Variants in CSGALNACT1 observed in about 807,000 individuals in gnomAD.
CSGALNACT1 encodes the protein chondroitin sulfate N-acetylgalactosaminyltransferase 1, also known as beta4GalNAcT-1.
CSGALNACT1 carries 52 observed loss-of-function variants against 51.0 expected under a neutral mutation model. The observed-to-expected ratio is 1.02, with a 90% CI of 0.82 to 1.29. CSGALNACT1 has a LOEUF of 1.29. CSGALNACT1 is among the 50% of genes most tolerant of loss of function. The pLI, the probability that CSGALNACT1 is intolerant of heterozygous loss-of-function variation, is 0.00. For synonymous variants in CSGALNACT1, 341 were observed against 254.4 expected (o/e 1.34, Z -3.24); for missense variants, 935 against 679.2 (o/e 1.38, Z -4.19).
chr8:19,501,736 A>G (rs1326029337), intron 4 of CSGALNACT1, among the ~76,000 whole-genome samples: 1 of 152,276 alleles, frequency 6.6e-6, no homozygotes, highest in Non-Finnish European at 1.5e-5. Context: ...ATTTAAAAAC[A>G]GGAAATCAGA....
intron 5 of CSGALNACT1, among the ~76,000 whole-genome samples, chr8:19,441,018 G>A (rs2153751665): frequency 6.6e-6 from 1 of 152,314 alleles, no homozygotes; most frequent in East Asian, 1.9e-4. Context: ...CAAGGAATAT[G>A]AAGGACCTCT....
intron 3 of CSGALNACT1, among the ~76,000 whole-genome samples, chr8:19,555,622 A>G (rs1341839562): frequency 6.6e-6 from 1 of 152,216 alleles, no homozygotes; most frequent in Admixed American, 6.5e-5. Flanking sequence ...GTGAGCATCA[A>G]AGCACATCTC....
At chr8:19,714,759 T>C (rs1052312951) in intron 1 of CSGALNACT1, among the ~76,000 whole-genome samples, 2 of 152,154 alleles carry the variant, frequency 1.3e-5, no homozygotes, top group African/African-American at 2.4e-5. Flanking sequence ...GGGATATTTT[T>C]TTTTTTTTCT....
intron 3 of CSGALNACT1, among the ~76,000 whole-genome samples, chr8:19,551,004 A>C (rs1443198777): frequency 6.6e-6 from 1 of 152,190 alleles, no homozygotes; most frequent in Non-Finnish European, 1.5e-5. Context: ...ACTTCCCAGC[A>C]ATCACCAGTT....
At chr8:19,613,774 G>A (rs2052624610) in intron 1 of CSGALNACT1, among the ~76,000 whole-genome samples, 2 of 152,168 alleles carry the variant, frequency 1.3e-5, no homozygotes, top group African/African-American at 2.4e-5. Context: ...AACTTGCAAT[G>A]TCACCAGCAA....
At chr8:19,415,893 G>A (rs368569890) in intron 8 of CSGALNACT1, among the ~76,000 whole-genome samples, 2 of 152,244 alleles carry the variant, frequency 1.3e-5, no homozygotes, top group Middle Eastern at 3.4e-3. Flanking sequence ...GCTGCTTAAC[G>A]ACACAACTGT....
At chr8:19,451,615 G>A (rs146966219) in intron 5 of CSGALNACT1, among the ~76,000 whole-genome samples, 4 of 152,280 alleles carry the variant, frequency 2.6e-5, no homozygotes, top group African/African-American at 9.6e-5. Context: ...AGTACGCCGG[G>A]TGAGCTGTTT....
chr8:19,653,512 G>A (rs1010647204), intron 1 of CSGALNACT1, among the ~76,000 whole-genome samples: 5 of 152,128 alleles, frequency 3.3e-5, no homozygotes, highest in Admixed American at 1.3e-4. Context: ...CTTCAGCTGC[G>A]GCCAGGTGCA....
At chr8:19,540,182 C>T (rs1588049998) in intron 3 of CSGALNACT1, among the ~76,000 whole-genome samples, 1 of 152,144 alleles carries the variant, frequency 6.6e-6, no homozygotes, top group Admixed American at 6.5e-5. Context: ...GGAATTGTTT[C>T]CTTGCTTCCA....
chr8:19,445,661 C>G (rs779717032), intron 5 of CSGALNACT1, among the ~76,000 whole-genome samples: 1 of 152,170 alleles, frequency 6.6e-6, no homozygotes, highest in African/African-American at 2.4e-5. Context: ...TTGAGTTCTC[C>G]ATGTACTGTG....
intron 3 of CSGALNACT1, among the ~76,000 whole-genome samples, chr8:19,556,812 C>T (rs908015494): frequency 6.6e-6 from 1 of 151,764 alleles, no homozygotes; most frequent in Non-Finnish European, 1.5e-5. Flanking sequence ...ATTTTCAGGT[C>T]AACAGACATT....
At chr8:19,606,826 A>G (rs1470974587), upstream of CSGALNACT1, among the ~76,000 whole-genome samples, 2 of 152,170 alleles carry the variant, frequency 1.3e-5, no homozygotes, top group African/African-American at 4.8e-5. Context: ...ATTGCCTTAA[A>G]GGATACCCAA....
chr8:19,433,646 G>A (rs530957485), intron 6 of CSGALNACT1, among the ~76,000 whole-genome samples: 1 of 152,156 alleles, frequency 6.6e-6, no homozygotes, highest in Non-Finnish European at 1.5e-5. Flanking sequence ...TGTCTTCCGA[G>A]GAACCTCCGG....
At chr8:19,482,733 G>A (rs745381082) in intron 4 of CSGALNACT1, among the ~76,000 whole-genome samples, 13 of 151,996 alleles carry the variant, frequency 8.6e-5, no homozygotes, top group Non-Finnish European at 1.5e-4. Flanking sequence ...ATGTTTCTAC[G>A]GAAAATCTCA....
chr8:19,627,477 T>C (rs891332999), intron 1 of CSGALNACT1, among the ~76,000 whole-genome samples: 3 of 151,980 alleles, frequency 2.0e-5, no homozygotes, highest in Admixed American at 6.6e-5. Flanking sequence ...GTTACACACA[T>C]CTAGAGAGGT....
chr8:19,582,728 C>T (rs1419632086), intron 3 of CSGALNACT1, among the ~76,000 whole-genome samples: 13 of 152,152 alleles, frequency 8.5e-5, no homozygotes, highest in Admixed American at 3.9e-4. Context: ...AAAAGGAAGC[C>T]ACCATAAAAA....
At chr8:19,438,601 G>A (rs575273831) in intron 6 of CSGALNACT1, among the ~76,000 whole-genome samples, 1 of 152,330 alleles carries the variant, frequency 6.6e-6, no homozygotes, top group African/African-American at 2.4e-5. Context: ...TAAAGAGCCA[G>A]ACAGTAAACA....
At chr8:19,608,523 T>C (rs2051724424) in intron 1 of CSGALNACT1, among the ~76,000 whole-genome samples, 1 of 152,256 alleles carries the variant, frequency 6.6e-6, no homozygotes, top group Non-Finnish European at 1.5e-5. Context: ...ATCTATGTGC[T>C]ACTACAATCT....
At position 19,667,016 on chromosome 8, in the gene CSGALNACT1, A is replaced by AAAGG. The variant is rs71205941; in HGVS notation, c.-544+15453_-544+15456dup. Among the ~76,000 whole-genome samples, 77 of 43,470 alleles carry AAAGG rather than the reference A, an allele frequency of 1.8e-3. 5 individuals are homozygous for AAAGG. The highest frequency in any genetic ancestry group is 3.0e-3 in the South Asian group (4 of 1,312). 28.5% of individuals were successfully genotyped at this position (43,470 alleles called of 152,430 possible). On this transcript the variant is annotated intron_variant, in intron 1 of 9. Coordinates refer to the CSGALNACT1 transcript ENST00000332246. ...GAAAGAAAGAAAGAAAGAAAGAAAG[A>AAAGG]AAGGAAGGAAGGAAGGAAGGAAGGA...
Sources: gnomAD v4.1 joint callset for allele counts (sites outside exome capture counted in the v4.1 genomes callset) on GRCh38, gnomAD v4.1.1 for gene constraint, MANE v1.5 for transcripts, NCBI Gene and HGNC (gene_info 2026-07-23, HGNC 2026-07-21) for gene names.